JMY: variants seen among roughly 807,000 people sequenced by gnomAD.
JMY encodes the protein junction mediating and regulatory protein, p53 cofactor.
JMY carries 46 observed loss-of-function variants against 103.3 expected under a neutral mutation model. The ratio of observed to expected loss-of-function variants is 0.45; its 90% CI spans 0.35 to 0.57. The LOEUF (loss-of-function observed/expected upper bound fraction) is 0.57, where lower values mean the gene tolerates loss of function less well. Among genes scored for constraint, JMY ranks in the 20% least tolerant of loss-of-function variants. The pLI is 0.00. For synonymous variants in JMY, 526 were observed against 489.3 expected (o/e 1.07, Z -0.99); for missense variants, 1,238 against 1,255.2 (o/e 0.99, Z 0.21).
rs1747209230 is a variant in JMY at position 79,316,111 on chromosome 5, A to G, written c.2771A>G (p.Asn924Ser). 9 of 1,613,976 alleles carry G rather than the reference A, an allele frequency of 5.6e-6. No homozygotes were observed. In the East Asian group the frequency reaches 2.0e-4, roughly 36 times the overall value. The stretch of plus-strand genomic sequence containing the variant: ...TTTCCTGATGAAGATGATAGTAATA[A>G]TATCTTGGCACAAATAAGGAAAGGG... The part of the protein sequence containing the change: ...PPFPDEDDSN[N>S]ILAQIRKGVK... Residue 924 changes from asparagine to serine, a missense_variant, in exon 10 of 11, where the codon AAT becomes AGT. By Grantham distance (46) the Asn-to-Ser change is conservative. Coordinates refer to ENST00000396137, the MANE Select transcript of JMY (RefSeq NM_152405.5).
At chr5:79,249,106 G>T (rs1745000520) in intron 1 of JMY, among the ~76,000 whole-genome samples, 1 of 150,058 alleles carries the variant, frequency 6.7e-6, no homozygotes, top group Non-Finnish European at 1.5e-5. Context: ...TGGTAGTGGG[G>T]TTGCTAATGA....
rs569306438 is a variant in JMY at position 79,289,907 on chromosome 5, TGA to T, written c.1207-210_1207-209del. Among the ~76,000 whole-genome samples, 11 of 151,694 alleles carry T rather than the reference TGA, an allele frequency of 7.3e-5. No homozygotes were observed. In the South Asian group the frequency reaches 2.1e-3, roughly 29 times the overall value. Reference sequence around the variant, plus strand: ...ATATATTCTTTGCCTACGTATGGAGTGAGAGGGGGATGGAAGAAAGGGCAAAA... The same window carrying T: ...ATATATTCTTTGCCTACGTATGGAGTGAGGGGGATGGAAGAAAGGGCAAAA... On this transcript the variant is annotated intron_variant, in intron 2 of 10. Transcript: ENST00000396137.
chr5:79,289,046 C>T (rs1746347791), intron 2 of JMY, among the ~76,000 whole-genome samples: 1 of 151,602 alleles, frequency 6.6e-6, no homozygotes, highest in Non-Finnish European at 1.5e-5. Flanking sequence ...ACCAGGCTGG[C>T]CAACATGACA....
At chr5:79,295,167 G>A (rs552354186) in intron 4 of JMY, among the ~76,000 whole-genome samples, 13 of 152,264 alleles carry the variant, frequency 8.5e-5, no homozygotes, top group Middle Eastern at 6.8e-3. Flanking sequence ...CCAGCAGAAC[G>A]CCCTGTAATC....
Position 79,316,071 on chromosome 5 carries a change from C to T in JMY, c.2731C>T (p.Arg911Ter). Residue 911 changes from arginine (R) to a stop codon, truncating the protein, a stop_gained, in exon 10 of 11, where the codon CGA becomes TGA. Transcript: ENST00000396137. LOFTEE classifies it high-confidence loss of function. ...TTTTCATCTGAAAAAGGTTGAACAG[C>T]GAACTCTGCCTCCTTTTCCTGATGA... ...GSFHLKKVEQRTLPPFPDEDD... is the reference protein window; with the variant it reads ...GSFHLKKVEQ 2 of 1,614,082 alleles carry T rather than the reference C, an allele frequency of 1.2e-6. No individual in the cohort carries two copies. Among genetic ancestry groups the T allele is most frequent in the Non-Finnish European group, 1.7e-6 (2 of 1,179,944 alleles).
intron 2 of JMY, among the ~76,000 whole-genome samples, chr5:79,281,128 T>C (rs564531967): frequency 2.6e-5 from 4 of 151,930 alleles, no homozygotes; most frequent in East Asian, 3.9e-4. Context: ...CACTGCAAGC[T>C]CCGCCTCCCG....
intron 7 of JMY, among the ~76,000 whole-genome samples, chr5:79,310,057 CTTTTTTTT>C (rs55994052): frequency 2.2e-4 from 16 of 73,682 alleles, no homozygotes; most frequent in Admixed American, 1.2e-3. Context: ...CTTTCTTTTC[CTTTTTTTT>C]TTTTTTTTTT....
intron 2 of JMY, among the ~76,000 whole-genome samples, chr5:79,278,793 CTTTTT>C (rs533961398): frequency 8.8e-6 from 1 of 114,176 alleles, no homozygotes; most frequent in Non-Finnish European, 1.8e-5. Context: ...GGGAACATTT[CTTTTT>C]TTTTTTTTTT....
At chr5:79,246,544 C>G (rs1312152630) in intron 1 of JMY, among the ~76,000 whole-genome samples, 1 of 152,220 alleles carries the variant, frequency 6.6e-6, no homozygotes, top group African/African-American at 2.4e-5. Context: ...TTAGCTTCTT[C>G]ATCTGTAGAG....
In JMY at chr5:79,322,430, ATGAC is replaced by A. The variant is rs1703791243; in HGVS notation, c.*833_*836del. On this transcript the variant is annotated 3_prime_UTR_variant, in exon 11 of 11. Transcript: ENST00000396137. ...TTGTTTGAATTATTGCTTGATTGCTATGACTGACATGACTTTCCTATTGAGAATC... is the reference window on the plus strand; with the variant it reads ...TTGTTTGAATTATTGCTTGATTGCTATGACATGACTTTCCTATTGAGAATC... The A allele has an allele frequency of 6.6e-6, 1 of 152,218 alleles. No individual in the cohort carries two copies. Among genetic ancestry groups the A allele is most frequent in the African/African-American group, 2.4e-5 (1 of 41,472 alleles). The allele number at this position is 152,218 out of a possible 1,614,324, so 9.4% of individuals were successfully genotyped here.
At position 79,291,226 on chromosome 5, in the gene JMY, C is replaced by A; in HGVS notation, c.1454C>A (p.Ser485Tyr). Residue 485 changes from serine (S) to tyrosine (Y), a missense_variant, in exon 4 of 11, where the codon TCT (serine) becomes TAT (tyrosine). Ser to Tyr is a moderately radical substitution (Grantham distance 144). Coordinates refer to ENST00000396137, the MANE Select transcript of JMY (RefSeq NM_152405.5). Reference protein sequence around the residue: ...ERMEKLQYAVSKETLQMMRAK... With the variant: ...ERMEKLQYAVYKETLQMMRAK... ...ATGGAAAAACTCCAGTATGCAGTTT[C>A]TAAGGAAACTTTGCAGATGATGAGA... 1 of 1,613,346 alleles carries A rather than the reference C, an allele frequency of 6.2e-7. No individual in the cohort carries two copies. The highest frequency in any genetic ancestry group is 2.2e-5 in the East Asian group (1 of 44,872).
At position 79,318,788 on chromosome 5, in the gene JMY, AG is replaced by A. The variant is rs1747343615; in HGVS notation, c.*3+2479del. Among the ~76,000 whole-genome samples, 22 of 53,706 alleles carry A rather than the reference AG, an allele frequency of 4.1e-4. No homozygotes were observed. In the East Asian group the frequency reaches 7.9e-3, roughly 19 times the overall value. The allele number at this position is 53,706 out of a possible 152,430, so 35.2% of individuals were successfully genotyped here. On this transcript the variant is annotated intron_variant, in intron 10 of 10. Coordinates refer to ENST00000396137, the MANE Select transcript of JMY (RefSeq NM_152405.5). ...GAGAGAGAGAGAGAGAGAGAGAGAG[AG>A]AGAGAGAGAGAGAGGGATGCATATC... is the stretch of plus-strand genomic sequence containing the variant.
Position 79,236,952 on chromosome 5 carries a change from G to A in JMY, c.302G>A (p.Ser101Asn). ...ACTGCCTCTGCAACTCTGGTTAGGAGCCCCGGGCCCCGGCGGAGCTCGGCC... is the reference window on the plus strand; with the variant it reads ...ACTGCCTCTGCAACTCTGGTTAGGAACCCCGGGCCCCGGCGGAGCTCGGCC... ...EATASATLVR[S>N]PGPRRSSAWA... The change falls in exon 1 of 11, where the codon AGC becomes AAC. Residue 101 changes from serine to asparagine, a missense_variant. Transcript: ENST00000396137. 3 of 1,448,654 alleles carry A rather than the reference G, an allele frequency of 2.1e-6. No individual in the cohort carries two copies. The highest frequency in any genetic ancestry group is 2.5e-5 in the East Asian group (1 of 39,398). 89.7% of individuals were successfully genotyped at this position (1,448,654 alleles called of 1,614,324 possible). A position where few individuals can be genotyped will look rare whatever the true frequency, so the allele number is the denominator to read the frequency against.
intron 1 of JMY, among the ~76,000 whole-genome samples, chr5:79,242,546 A>G (rs934622098): frequency 2.0e-5 from 3 of 152,158 alleles, no homozygotes; most frequent in Admixed American, 2.0e-4. Flanking sequence ...GAGGCAGAAA[A>G]TGAGACTTAA....
At chr5:79,288,392 A>G (rs998801170) in intron 2 of JMY, among the ~76,000 whole-genome samples, 2 of 152,054 alleles carry the variant, frequency 1.3e-5, no homozygotes, top group African/African-American at 4.8e-5. Context: ...CCCCTTCTTC[A>G]AAGCCATCTG....
intron 4 of JMY, among the ~76,000 whole-genome samples, chr5:79,294,021 C>T (rs1746498449): frequency 6.6e-6 from 1 of 152,020 alleles, no homozygotes. Flanking sequence ...AGAGTATATG[C>T]TGGAAGTGTT....
At chr5:79,239,712 A>AG (rs1744673460) in intron 1 of JMY, among the ~76,000 whole-genome samples, 1 of 151,804 alleles carries the variant, frequency 6.6e-6, no homozygotes, top group African/African-American at 2.4e-5. Context: ...TGGGAGGCTG[A>AG]GGCAGGAGAA....
intron 6 of JMY, among the ~76,000 whole-genome samples, chr5:79,302,102 A>AAAAC (rs1554052050): frequency 6.6e-6 from 1 of 150,636 alleles, no homozygotes; most frequent in African/African-American, 2.5e-5. Context: ...AAAAAAAAAA[A>AAAAC]CATTGCAGTG....
intron 6 of JMY, 54 bp from the exon 7 acceptor site, chr5:79,306,321 G>T: frequency 7.9e-7 from 1 of 1,268,190 alleles, no homozygotes; most frequent in Non-Finnish European, 1.2e-6. Flanking sequence ...TTGGTGTGGT[G>T]TTCAGAGTCT....
Sources: allele counts gnomAD v4.1 joint callset (sites outside exome capture counted in the v4.1 genomes callset), GRCh38; gene constraint gnomAD v4.1.1; transcripts MANE v1.5; gene names NCBI Gene and HGNC (gene_info 2026-07-23, HGNC 2026-07-21).